The following CDH12 variants were observed in gnomAD, a reference collection of about 807,000 sequenced individuals.
The protein encoded by CDH12 is cadherin-12.
A neutral mutation model predicts 74.1 loss-of-function variants in CDH12; 41 were observed. That is an observed-to-expected ratio of 0.55 (90% CI 0.43 to 0.72). The LOEUF is 0.72. CDH12 is among the 30% of genes least tolerant of loss of function. CDH12 has a pLI of 0.00. For missense variants in CDH12, 945 were observed against 977.2 expected, an observed-to-expected ratio of 0.97 and a Z score of 0.44; for synonymous variants, 399 against 355.0, an observed-to-expected ratio of 1.12 and a Z score of -1.39.
chr5:21,760,594 C>A lies in CDH12; in HGVS notation c.1597G>T (p.Ala533Ser). 1.2e-6 allele frequency: 2 copies of A among 1,609,748 alleles called. No individual in the cohort carries two copies. Among genetic ancestry groups the A allele is most frequent in the Non-Finnish European group, 8.5e-7 (1 of 1,176,696 alleles). Residue 533 changes from alanine (A) to serine (S), a missense_variant, in exon 13 of 15, where the codon GCT becomes TCT. Around this residue, in one of 3 missense-constraint regions of CDH12, gnomAD observed 791 missense variants for 792.8 expected, o/e 1.00. Coordinates refer to ENST00000382254, the MANE Select transcript of CDH12 (RefSeq NM_004061.5). ...CGAACTGTAAAATTTGGTTTGATAGCAGCCTCAGGTGATAATCTAAAGGAG... is the reference window on the plus strand; with the variant it reads ...CGAACTGTAAAATTTGGTTTGATAGAAGCCTCAGGTGATAATCTAAAGGAG... The part of the protein sequence containing the change: ...QFSFRLSPEA[A>S]IKPNFTVRDF...
chr5:21,771,411 A>C (rs1224514050), intron 11 of CDH12, among the ~76,000 whole-genome samples: 1 of 152,180 alleles, frequency 6.6e-6, no homozygotes, highest in Non-Finnish European at 1.5e-5. Context: ...ACATTAAATT[A>C]TATCATGTCT....
At chr5:22,389,304 C>T (rs1249651639) in intron 3 of CDH12, among the ~76,000 whole-genome samples, 2 of 152,086 alleles carry the variant, frequency 1.3e-5, no homozygotes, top group East Asian at 3.9e-4. Flanking sequence ...TTTCATTTTA[C>T]TTTTCAAGTA....
At chr5:22,840,340 T>C (rs915618774) in intron 1 of CDH12, among the ~76,000 whole-genome samples, 2 of 152,008 alleles carry the variant, frequency 1.3e-5, no homozygotes, top group African/African-American at 4.8e-5. Flanking sequence ...GCCAGGATGG[T>C]CTCGATCTCC....
intron 1 of CDH12, among the ~76,000 whole-genome samples, chr5:22,577,817 T>A (rs1269693926): frequency 1.3e-5 from 2 of 152,204 alleles, no homozygotes; most frequent in Non-Finnish European, 2.9e-5. Context: ...TAGCTGTGTG[T>A]ATAATTTGCA....
intron 1 of CDH12, among the ~76,000 whole-genome samples, chr5:22,755,356 G>A (rs1580966091): frequency 6.6e-6 from 1 of 152,022 alleles, no homozygotes; most frequent in Non-Finnish European, 1.5e-5. Flanking sequence ...GTAACTGATG[G>A]GTCACATGAA....
At chr5:22,614,033 T>G (rs563381615) in intron 1 of CDH12, among the ~76,000 whole-genome samples, 1 of 152,226 alleles carries the variant, frequency 6.6e-6, no homozygotes, top group African/African-American at 2.4e-5. Context: ...GCTATGCACA[T>G]ATATCTCATT....
At chr5:22,539,508 T>C (rs988623716) in intron 1 of CDH12, among the ~76,000 whole-genome samples, 1 of 152,174 alleles carries the variant, frequency 6.6e-6, no homozygotes, top group Non-Finnish European at 1.5e-5. Context: ...CAATGAAAAA[T>C]CTTCCTGTGT....
intron 1 of CDH12, among the ~76,000 whole-genome samples, chr5:22,543,287 T>C (rs890073043): frequency 6.6e-6 from 1 of 152,108 alleles, no homozygotes; most frequent in Non-Finnish European, 1.5e-5. Flanking sequence ...TGTATACCTT[T>C]GACAATAACA....
chr5:22,294,451 G>A (rs1737536933), intron 3 of CDH12, among the ~76,000 whole-genome samples: 1 of 152,210 alleles, frequency 6.6e-6, no homozygotes, highest in African/African-American at 2.4e-5. Flanking sequence ...ATGTGCTTCA[G>A]AAGGAATGTG....
intron 1 of CDH12, among the ~76,000 whole-genome samples, chr5:22,613,025 C>T (rs899530007): frequency 4.6e-5 from 7 of 152,062 alleles, no homozygotes; most frequent in African/African-American, 9.7e-5. Flanking sequence ...TCTGCCGTAT[C>T]ATTCATATTC....
intron 5 of CDH12, among the ~76,000 whole-genome samples, chr5:21,978,623 AT>A (rs1280844271): frequency 1.3e-5 from 2 of 152,016 alleles, no homozygotes; most frequent in African/African-American, 4.8e-5. Context: ...TACCATAATT[AT>A]TTTTCAGTAT....
At chr5:22,363,711 C>A (rs1246934514) in intron 3 of CDH12, among the ~76,000 whole-genome samples, 1 of 152,110 alleles carries the variant, frequency 6.6e-6, no homozygotes, top group East Asian at 1.9e-4. Flanking sequence ...ACAAGAATCT[C>A]ATAGATCCAA....
intron 3 of CDH12, among the ~76,000 whole-genome samples, chr5:22,294,529 T>C (rs1222892427): frequency 6.6e-6 from 1 of 152,192 alleles, no homozygotes; most frequent in Admixed American, 6.5e-5. Context: ...GGTAAGTACA[T>C]GCTCTTACAC....
intron 2 of CDH12, among the ~76,000 whole-genome samples, chr5:22,457,128 C>T (rs1282916957): frequency 3.3e-5 from 5 of 152,096 alleles, no homozygotes; most frequent in Non-Finnish European, 1.5e-5. Flanking sequence ...AAAGCTGAGC[C>T]ATTTTTATTT....
intron 1 of CDH12, among the ~76,000 whole-genome samples, chr5:22,840,862 C>T (rs1319006386): frequency 1.3e-5 from 2 of 152,104 alleles, no homozygotes; most frequent in South Asian, 2.1e-4. Context: ...AAGTAGGTGG[C>T]TGGTAATCAG....
intron 3 of CDH12, among the ~76,000 whole-genome samples, chr5:22,336,330 C>T (rs566418945): frequency 6.6e-6 from 1 of 152,268 alleles, no homozygotes; most frequent in South Asian, 2.1e-4. Flanking sequence ...AAGAGAAATT[C>T]AAGAGGGCTG....
intron 2 of CDH12, among the ~76,000 whole-genome samples, chr5:22,504,122 T>C (rs1051095012): frequency 2.0e-5 from 3 of 151,904 alleles, no homozygotes; most frequent in African/African-American, 7.2e-5. Flanking sequence ...ATTTTCTACA[T>C]AGAAATTTTG....
chr5:22,599,140 A>T (rs1022575626), intron 1 of CDH12, among the ~76,000 whole-genome samples: 3 of 152,184 alleles, frequency 2.0e-5, no homozygotes, highest in Non-Finnish European at 4.4e-5. Flanking sequence ...TGCATATCCT[A>T]CACCTATATA....
At chr5:22,383,323 C>A (rs978163747) in intron 3 of CDH12, among the ~76,000 whole-genome samples, 4 of 152,078 alleles carry the variant, frequency 2.6e-5, no homozygotes, top group African/African-American at 9.7e-5. Context: ...CACGTAAGTC[C>A]AATGGGCTAC....
Sources: gnomAD v4.1 joint callset for allele counts (sites outside exome capture counted in the v4.1 genomes callset) on GRCh38, gnomAD v4.1.1 for gene constraint, gnomAD v4.1.1 regional missense constraint, MANE v1.5 for transcripts, NCBI Gene and HGNC (gene_info 2026-07-23, HGNC 2026-07-21) for gene names.